SCAPER: variants seen among roughly 807,000 people sequenced by gnomAD.
SCAPER encodes S phase cyclin A-associated protein in the endoplasmic reticulum.
SCAPER carries 98 observed loss-of-function variants against 182.2 expected under a neutral mutation model. That is an observed-to-expected ratio of 0.54 (90% confidence interval 0.46 to 0.64). The LOEUF (loss-of-function observed/expected upper bound fraction) is 0.64, where lower values mean the gene tolerates loss of function less well. Among genes scored for constraint, SCAPER ranks in the 30% least tolerant of loss-of-function variants. The pLI is 0.00. For missense variants in SCAPER, 1,432 were observed against 1,690.0 expected, an observed-to-expected ratio of 0.85 and a Z score of 2.68; for synonymous variants, 605 against 564.6, an observed-to-expected ratio of 1.07 and a Z score of -1.01.
chr15:76,735,825 G>C (rs1389763722), intron 15 of SCAPER, among the ~76,000 whole-genome samples: 1 of 151,760 alleles, frequency 6.6e-6, no homozygotes, highest in African/African-American at 2.4e-5. Flanking sequence ...AAGAAGCAAA[G>C]GAAAGATGAT....
At chr15:76,614,643 T>A (rs527662136) in intron 22 of SCAPER, among the ~76,000 whole-genome samples, 1 of 151,746 alleles carries the variant, frequency 6.6e-6, no homozygotes, top group East Asian at 1.9e-4. Context: ...GCACAACATA[T>A]CAAAATGCAT....
intron 24 of SCAPER, among the ~76,000 whole-genome samples, chr15:76,492,837 A>G (rs1006366340): frequency 6.6e-6 from 1 of 151,668 alleles, no homozygotes; most frequent in Non-Finnish European, 1.5e-5. Context: ...GTGACCACAG[A>G]GAATTTAGAC....
intron 14 of SCAPER, among the ~76,000 whole-genome samples, chr15:76,763,343 G>C (rs2062910366): frequency 6.6e-6 from 1 of 150,400 alleles, no homozygotes; most frequent in Non-Finnish European, 1.5e-5. Flanking sequence ...ATCATTTCTG[G>C]GGTGGGGGGT....
intron 2 of SCAPER, among the ~76,000 whole-genome samples, chr15:76,880,396 C>A (rs1171109511): frequency 6.6e-6 from 1 of 152,166 alleles, no homozygotes; most frequent in African/African-American, 2.4e-5. Flanking sequence ...TCTCCTCTTC[C>A]CTAACAAGCT....
intron 21 of SCAPER, among the ~76,000 whole-genome samples, chr15:76,636,811 A>T (rs891543143): frequency 7.2e-5 from 11 of 152,280 alleles, no homozygotes; most frequent in Admixed American, 6.5e-5. Flanking sequence ...GAGTTCCAAA[A>T]AAATTGGTTC....
intron 18 of SCAPER, among the ~76,000 whole-genome samples, chr15:76,705,308 A>G (rs2059192738): frequency 6.7e-6 from 1 of 150,250 alleles, no homozygotes; most frequent in African/African-American, 2.4e-5. Context: ...ACAAAAAACC[A>G]AACACCGCAT....
intron 20 of SCAPER, among the ~76,000 whole-genome samples, chr15:76,666,420 C>A (rs916546168): frequency 3.3e-5 from 5 of 152,268 alleles, no homozygotes; most frequent in South Asian, 4.1e-4. Context: ...CCCTCCTTAT[C>A]CATCTTAGAT....
Position 76,823,438 on chromosome 15 carries a change from CA to C in SCAPER, c.393+18295del, listed in dbSNP as rs1427507988. ...TCACACCACTGCACTCCAGCCTGGG[CA>C]ACAAGAGCAAAACTCTGTCTCAAAA... On this transcript the variant is annotated intron_variant, in intron 5 of 31. Transcript: ENST00000563290. Among the ~76,000 whole-genome samples the C allele has an allele frequency of 8.6e-5, 13 of 151,330 alleles. No individual in the cohort carries two copies. In the Middle Eastern group the frequency reaches 0.01, roughly 119 times the overall value.
intron 25 of SCAPER, among the ~76,000 whole-genome samples, chr15:76,453,858 T>C (rs1370291201): frequency 6.6e-6 from 1 of 152,218 alleles, no homozygotes; most frequent in Non-Finnish European, 1.5e-5. Context: ...AGAAAGATAC[T>C]TGGAGAATGA....
At chr15:76,484,324 C>G (rs190095412) in intron 24 of SCAPER, among the ~76,000 whole-genome samples, 25 of 151,806 alleles carry the variant, frequency 1.6e-4, no homozygotes, top group Non-Finnish European at 2.9e-4. Context: ...GAGTGGCTGA[C>G]CCCATAGAAA....
At chr15:76,460,645 T>C (rs1335947658) in intron 25 of SCAPER, among the ~76,000 whole-genome samples, 3 of 152,186 alleles carry the variant, frequency 2.0e-5, no homozygotes, top group Non-Finnish European at 2.9e-5. Flanking sequence ...TATCCAGTGA[T>C]ATGTACGTTA....
intron 20 of SCAPER, among the ~76,000 whole-genome samples, chr15:76,686,699 C>T (rs1199125673): frequency 6.6e-6 from 1 of 152,040 alleles, no homozygotes; most frequent in Non-Finnish European, 1.5e-5. Context: ...AATCACAAAA[C>T]AGTACAGCAA....
At chr15:76,804,126 C>G (rs1027234438) in intron 6 of SCAPER, among the ~76,000 whole-genome samples, 1 of 152,188 alleles carries the variant, frequency 6.6e-6, no homozygotes, top group Non-Finnish European at 1.5e-5. Context: ...CCGAAATGGC[C>G]AACCAGCTGG....
chr15:76,886,567 A>G (rs961493648), intron 1 of SCAPER, among the ~76,000 whole-genome samples: 3 of 152,252 alleles, frequency 2.0e-5, no homozygotes, highest in African/African-American at 2.4e-5. Flanking sequence ...GTGGGAGTGT[A>G]AATGAAGTTC....
intron 18 of SCAPER, among the ~76,000 whole-genome samples, chr15:76,704,813 C>T (rs1484742444): frequency 2.6e-5 from 4 of 152,188 alleles, no homozygotes; most frequent in Non-Finnish European, 5.9e-5. Flanking sequence ...CATCACTCTC[C>T]ATCAGAGAAA....
At chr15:76,538,105 T>C in intron 23 of SCAPER, among the ~76,000 whole-genome samples, 1 of 147,292 alleles carries the variant, frequency 6.8e-6, no homozygotes, top group East Asian at 2.0e-4. Context: ...GGAACACTTT[T>C]ACACTGTTGG....
chr15:76,702,530 C>A (rs568751044), intron 19 of SCAPER, among the ~76,000 whole-genome samples: 1 of 152,242 alleles, frequency 6.6e-6, no homozygotes, highest in Non-Finnish European at 1.5e-5. Flanking sequence ...TCACTGCAAC[C>A]TCCACCTCCT....
chr15:76,881,732 G>A (rs1179171751), intron 2 of SCAPER, among the ~76,000 whole-genome samples: 1 of 152,074 alleles, frequency 6.6e-6, no homozygotes, highest in Non-Finnish European at 1.5e-5. Context: ...AAGGGAAATG[G>A]GAAATTATTG....
intron 23 of SCAPER, among the ~76,000 whole-genome samples, chr15:76,509,284 T>G (rs182175448): frequency 1.3e-5 from 2 of 152,334 alleles, no homozygotes; most frequent in Admixed American, 1.3e-4. Flanking sequence ...TTCACACTGA[T>G]TCAGCCTCCA....
Sources: gnomAD v4.1 joint callset for allele counts (sites outside exome capture counted in the v4.1 genomes callset) on GRCh38, gnomAD v4.1.1 for gene constraint, MANE v1.5 for transcripts, NCBI Gene and HGNC (gene_info 2026-07-23, HGNC 2026-07-21) for gene names.